Variants in MACROD2 observed in about 807,000 individuals in gnomAD.
MACROD2 encodes ADP-ribose glycohydrolase MACROD2.
MACROD2 carries 36 observed loss-of-function variants against 70.4 expected under a neutral mutation model. The ratio of observed to expected loss-of-function variants is 0.51; its 90% CI spans 0.39 to 0.68. The LOEUF is 0.68. MACROD2 is among the 30% of genes least tolerant of loss of function. The probability of loss-of-function intolerance (pLI) is 0.00; values close to 1 mark genes in which losing one functional copy is unlikely to be tolerated. For synonymous variants in MACROD2, 172 were observed against 178.8 expected (o/e 0.96, Z 0.30); for missense variants, 496 against 538.4 (o/e 0.92, Z 0.78).
At chr20:15,036,958 A>G (rs1007655957) in intron 5 of MACROD2, among the ~76,000 whole-genome samples, 1 of 151,568 alleles carries the variant, frequency 6.6e-6, no homozygotes, top group South Asian at 2.1e-4. Context: ...ATAATTATAA[A>G]ATAATCTTTA....
chr20:16,046,003 G>GA (rs1601377266), intron 17 of MACROD2, among the ~76,000 whole-genome samples: 2 of 149,736 alleles, frequency 1.3e-5, no homozygotes, highest in South Asian at 4.3e-4. Flanking sequence ...AAAAAAAAAA[G>GA]AAAAAAACCT....
intron 5 of MACROD2, among the ~76,000 whole-genome samples, chr20:15,168,826 G>GA (rs932617432): frequency 2.0e-5 from 3 of 151,756 alleles, no homozygotes; most frequent in African/African-American, 4.8e-5. Context: ...TTGAACAAAA[G>GA]AAAAAAATGA....
chr20:15,274,013 T>G (rs2077368989), intron 6 of MACROD2, among the ~76,000 whole-genome samples: 1 of 152,214 alleles, frequency 6.6e-6, no homozygotes, highest in African/African-American at 2.4e-5. Context: ...GACGACTACA[T>G]GGTCCTTATC....
intron 5 of MACROD2, among the ~76,000 whole-genome samples, chr20:14,840,108 G>A (rs1019948362): frequency 1.3e-5 from 2 of 149,326 alleles, no homozygotes; most frequent in African/African-American, 2.5e-5. Context: ...TACTATCTCC[G>A]CTCACTGCAA....
chr20:15,328,723 A>T (rs1214541419), intron 6 of MACROD2, among the ~76,000 whole-genome samples: 3 of 152,166 alleles, frequency 2.0e-5, no homozygotes, highest in East Asian at 3.9e-4. Flanking sequence ...TGAATTCCTT[A>T]GATGCCACTT....
chr20:14,240,639 TGAATA>T (rs758212270), intron 3 of MACROD2, among the ~76,000 whole-genome samples: 1 of 152,094 alleles, frequency 6.6e-6, no homozygotes, highest in African/African-American at 2.4e-5. Context: ...AGCTAAACAC[TGAATA>T]GACATGGACA....
In MACROD2 at chr20:15,611,315, G is replaced by A. The variant is rs549530659; in HGVS notation, c.645+111468G>A. Among the ~76,000 whole-genome samples, 3 of 152,212 alleles carry A rather than the reference G, an allele frequency of 2.0e-5. No homozygotes were observed. The Middle Eastern group carries it at 0.01, about 518-fold the overall frequency. ...AAAAAATGCCCAAAGATAACACAAT[G>A]GCAGAGTCACGATTGGAAGCCTGCC... On this transcript the variant is annotated intron_variant, in intron 8 of 17. Transcript: ENST00000684519.
intron 8 of MACROD2, among the ~76,000 whole-genome samples, chr20:15,789,871 C>A (rs1028822466): frequency 1.3e-5 from 2 of 151,696 alleles, no homozygotes; most frequent in African/African-American, 4.8e-5. Context: ...TTTGAGGAAC[C>A]AAGTGTTAAC....
At chr20:15,327,448 T>C (rs994520536) in intron 6 of MACROD2, among the ~76,000 whole-genome samples, 9 of 152,122 alleles carry the variant, frequency 5.9e-5, no homozygotes, top group Admixed American at 6.6e-5. Flanking sequence ...TTGGCATGAC[T>C]GGAATCCTCA....
At chr20:15,136,949 C>G (rs62202826) in intron 5 of MACROD2, among the ~76,000 whole-genome samples, 17,201 of 144,390 alleles carry the variant, frequency 0.12, 1,171 homozygotes, top group Middle Eastern at 0.18. Flanking sequence ...CCAAAAGACA[C>G]ATGAAAAAAT....
chr20:14,240,775 C>T (rs1569222700), intron 3 of MACROD2, among the ~76,000 whole-genome samples: 2 of 152,158 alleles, frequency 1.3e-5, no homozygotes, highest in Admixed American at 6.5e-5. Context: ...AATCAGTACA[C>T]TAAATGCTCA....
At chr20:15,767,371 C>A (rs1236455600) in intron 8 of MACROD2, among the ~76,000 whole-genome samples, 2 of 113,448 alleles carry the variant, frequency 1.8e-5, no homozygotes, top group African/African-American at 4.3e-5. Context: ...CTATTCATGC[C>A]ATATTCCTAA....
intron 6 of MACROD2, among the ~76,000 whole-genome samples, chr20:15,272,055 C>T (rs886199891): frequency 1.6e-4 from 24 of 152,132 alleles, no homozygotes; most frequent in Admixed American, 9.8e-4. Context: ...CCTATTAACA[C>T]AATTTTTTCA....
chr20:14,713,141 G>A (rs530705548), intron 5 of MACROD2, among the ~76,000 whole-genome samples: 38 of 152,244 alleles, frequency 2.5e-4, no homozygotes, highest in Non-Finnish European at 3.5e-4. Flanking sequence ...GTGAAAATGC[G>A]TGCATGGGTA....
At chr20:16,020,899 A>G (rs573816446) in intron 15 of MACROD2, among the ~76,000 whole-genome samples, 1 of 152,264 alleles carries the variant, frequency 6.6e-6, no homozygotes, top group African/African-American at 2.4e-5. Flanking sequence ...TACATATGTA[A>G]TTTACCTAAT....
chr20:15,938,349 T>C (rs1180065470), intron 12 of MACROD2, among the ~76,000 whole-genome samples: 1 of 152,222 alleles, frequency 6.6e-6, no homozygotes, highest in Non-Finnish European at 1.5e-5. Flanking sequence ...CAAGCAAGTC[T>C]GTCGGCACCA....
At chr20:15,908,977 A>G (rs2065191557) in intron 10 of MACROD2, among the ~76,000 whole-genome samples, 1 of 152,254 alleles carries the variant, frequency 6.6e-6, no homozygotes, top group African/African-American at 2.4e-5. Flanking sequence ...TGTTGGCTTA[A>G]AATAATGACA....
intron 5 of MACROD2, among the ~76,000 whole-genome samples, chr20:14,704,776 C>G (rs1027415284): frequency 1.3e-5 from 2 of 152,108 alleles, no homozygotes; most frequent in African/African-American, 4.8e-5. Context: ...TCATTGGAAC[C>G]AAGTAATGCA....
At chr20:15,911,881 G>A (rs1455233749) in intron 10 of MACROD2, among the ~76,000 whole-genome samples, 2 of 152,142 alleles carry the variant, frequency 1.3e-5, no homozygotes, top group Non-Finnish European at 2.9e-5. Flanking sequence ...TGGCATGTGC[G>A]TGTAATCCTG....
Sources: gnomAD v4.1 joint callset for allele counts (sites outside exome capture counted in the v4.1 genomes callset) on GRCh38, gnomAD v4.1.1 for gene constraint, MANE v1.5 for transcripts, NCBI Gene and HGNC (gene_info 2026-07-23, HGNC 2026-07-21) for gene names.